The following COMMD6 variants were observed in gnomAD, a reference collection of about 807,000 sequenced individuals.
COMMD6 encodes COMM domain containing 6.
Under a neutral mutation model 13.4 loss-of-function variants are expected in COMMD6, and 11 were observed. The observed-to-expected ratio is 0.82, with a 90% confidence interval of 0.52 to 1.36. COMMD6 has a LOEUF of 1.36. Ranked by LOEUF, COMMD6 falls within the 40% of genes most tolerant of loss-of-function variation. The pLI is 0.00. For missense variants in COMMD6, 124 were observed against 102.4 expected (o/e 1.21, Z -0.91); for synonymous variants, 43 against 36.5 (o/e 1.18, Z -0.64).
chr13:75,544,010 G>C (rs1408235081), intron 1 of COMMD6, among the ~76,000 whole-genome samples: 1 of 150,816 alleles, frequency 6.6e-6, no homozygotes, highest in Non-Finnish European at 1.5e-5. Flanking sequence ...GACTCCCAGT[G>C]TATCTGCTGA....
chr13:75,530,231 C>T lies in COMMD6; in HGVS notation c.90G>A (p.Val30=), dbSNP rs1334248410. The T allele has an allele frequency of 6.2e-7, 1 of 1,613,288 alleles. No individual in the cohort carries two copies. The highest frequency in any genetic ancestry group is 8.5e-7 in the Non-Finnish European group (1 of 1,179,720). Residue 30 remains valine, a synonymous_variant, in exon 3 of 4, where the codon GTG becomes GTA. Coordinates refer to ENST00000682242, the MANE Select transcript of COMMD6 (RefSeq NM_203495.4). ...VDFQWKLGMA[V]SSDTCRSLKY... is the part of the protein sequence containing the mutation. The stretch of plus-strand genomic sequence containing the variant: ...TAAGAGATCTGCAAGTGTCTGAGCT[C>T]ACAGCCATACCCAGTTTCCACTGAA...
Position 75,526,528 on chromosome 13 carries a change from T to TG in COMMD6, c.*60dup, listed in dbSNP as rs2030264516. 1 of 1,123,956 alleles carries TG rather than the reference T, an allele frequency of 8.9e-7. No homozygotes were observed. Among genetic ancestry groups the TG allele is most frequent in the South Asian group, 1.5e-5 (1 of 64,816 alleles). The allele number at this position is 1,123,956 out of a possible 1,614,324, so 69.6% of individuals were successfully genotyped here. On this transcript the variant is annotated 3_prime_UTR_variant, in exon 4 of 4. Transcript: ENST00000682242. ...ATGTTCCATCCTTATTTAGTTTTGT[T>TG]GCCGAAAGTGAAGTCCATGACTTTA...
chr13:75,532,532 A>G (rs2030515228), intron 2 of COMMD6, among the ~76,000 whole-genome samples: 1 of 152,244 alleles, frequency 6.6e-6, no homozygotes, highest in African/African-American at 2.4e-5. Flanking sequence ...GTTTAGGGAT[A>G]GAACATTTTA....
intron 3 of COMMD6, among the ~76,000 whole-genome samples, chr13:75,527,089 AG>A (rs1268784624): frequency 6.6e-6 from 1 of 152,222 alleles, no homozygotes; most frequent in Non-Finnish European, 1.5e-5. Context: ...TTTATATGGT[AG>A]AAGTTTATTT....
chr13:75,537,641 G>C (rs775907976), intron 2 of COMMD6, 23 bp downstream of exon 2: 2 of 1,613,804 alleles, frequency 1.2e-6, no homozygotes, highest in Non-Finnish European at 1.7e-6. Context: ...GCGGAGGACA[G>C]GGCGGGGCGG....
upstream of COMMD6, among the ~76,000 whole-genome samples, chr13:75,540,344 C>CACA (rs1593961926): frequency 1.7e-3 from 248 of 147,382 alleles, no homozygotes; most frequent in East Asian, 3.4e-3. Flanking sequence ...ACACACACAC[C>CACA]CACACACACA....
intron 1 of COMMD6, among the ~76,000 whole-genome samples, chr13:75,548,293 G>T (rs2030947519): frequency 6.6e-6 from 1 of 152,206 alleles, no homozygotes. Flanking sequence ...GAGTATAGCA[G>T]CAATCCATTA....
At chr13:75,535,463 G>A (rs1013457480) in intron 2 of COMMD6, among the ~76,000 whole-genome samples, 3 of 152,226 alleles carry the variant, frequency 2.0e-5, no homozygotes, top group Non-Finnish European at 4.4e-5. Context: ...CGGTATTCCA[G>A]GAAAGAGAAT....
upstream of COMMD6, among the ~76,000 whole-genome samples, chr13:75,540,691 G>A (rs939003987): frequency 6.6e-6 from 1 of 152,116 alleles, no homozygotes; most frequent in Non-Finnish European, 1.5e-5. Flanking sequence ...GTTATCAATA[G>A]AGTCAAAAAA....
At chr13:75,526,698 A>G in intron 3 of COMMD6, 59 bp from the exon 4 acceptor site, 4 of 1,176,258 alleles carry the variant, frequency 3.4e-6, no homozygotes, top group Non-Finnish European at 5.0e-6. Context: ...TTAAGTAGTT[A>G]TTTTAATTAT....
At chr13:75,527,716 C>A in intron 3 of COMMD6, 8 of 1,215,964 alleles carry the variant, frequency 6.6e-6, no homozygotes, top group Non-Finnish European at 8.4e-6. Context: ...CATGGATGAA[C>A]CTGGAGGACA....
chr13:75,542,463 AT>A, upstream of COMMD6, among the ~76,000 whole-genome samples: 1 of 152,030 alleles, frequency 6.6e-6, no homozygotes, highest in African/African-American at 2.4e-5. Context: ...CTAATTTTGT[AT>A]TTTTAGTAGA....
In COMMD6 at chr13:75,525,863, T is replaced by C. The variant is rs940099249; in HGVS notation, c.*726A>G. On this transcript the variant is annotated 3_prime_UTR_variant, in exon 4 of 4. Transcript: ENST00000682242. ...AATGCCATACAATGTGGTGGCTTTA[T>C]AGTATAAAAGCGTTTAACAACAGGT... 2.6e-5 allele frequency: 4 copies of C among 152,246 alleles called. No individual in the cohort carries two copies. Among genetic ancestry groups the C allele is most frequent in the Non-Finnish European group, 5.9e-5 (4 of 68,044 alleles). 9.4% of individuals were successfully genotyped at this position (152,246 alleles called of 1,614,324 possible). A position where few individuals can be genotyped will look rare whatever the true frequency, so the allele number is the denominator to read the frequency against.
upstream of COMMD6, among the ~76,000 whole-genome samples, chr13:75,539,556 C>A (rs2030790693): frequency 6.6e-6 from 1 of 152,106 alleles, no homozygotes; most frequent in Non-Finnish European, 1.5e-5. Context: ...CTCTTTCTAT[C>A]TTAAGGTACA....
chr13:75,546,734 A>C (rs564042044), intron 1 of COMMD6, among the ~76,000 whole-genome samples: 1 of 152,236 alleles, frequency 6.6e-6, no homozygotes, highest in Non-Finnish European at 1.5e-5. Flanking sequence ...GACACTGTGC[A>C]TAGGCATGCC....
chr13:75,543,417 C>T (rs760995550), upstream of COMMD6, among the ~76,000 whole-genome samples: 46 of 152,190 alleles, frequency 3.0e-4, no homozygotes, highest in Non-Finnish European at 5.4e-4. Context: ...GGAACACAGC[C>T]CTGTCAACAT....
rs556252084 is a variant in COMMD6, at chr13:75,526,787, G to A, written c.208-148C>T. 9.0e-5 allele frequency: 51 copies of A among 569,230 alleles called. No homozygotes were observed. In the African/African-American group the frequency reaches 9.2e-4, roughly 10 times the overall value. The allele number at this position is 569,230 out of a possible 1,614,324, so 35.3% of individuals were successfully genotyped here. A position where few individuals can be genotyped will look rare whatever the true frequency, so the allele number is the denominator to read the frequency against. On this transcript the variant is annotated intron_variant, in intron 3 of 3. Coordinates refer to ENST00000682242, the MANE Select transcript of COMMD6 (RefSeq NM_203495.4). ...TCTCAATTACTGAAGGTTGCTGTAA[G>A]AAATAGGTGCAATTTGGTACTGCAA...
upstream of COMMD6, among the ~76,000 whole-genome samples, chr13:75,539,643 A>G (rs1424576866): frequency 6.6e-6 from 1 of 152,158 alleles, no homozygotes; most frequent in African/African-American, 2.4e-5. Flanking sequence ...CAGGATGGAA[A>G]TCTTTGGAGG....
At chr13:75,540,802 A>G (rs190808012), upstream of COMMD6, among the ~76,000 whole-genome samples, 422 of 152,360 alleles carry the variant, frequency 2.8e-3, 2 homozygotes, top group Middle Eastern at 0.027. Flanking sequence ...CTCTTACAGT[A>G]AGCCTAGTAC....
Sources: allele counts gnomAD v4.1 joint callset (sites outside exome capture counted in the v4.1 genomes callset), GRCh38; gene constraint gnomAD v4.1.1; transcripts MANE v1.5; gene names NCBI Gene and HGNC (gene_info 2026-07-23, HGNC 2026-07-21).